The following HECTD2 variants were observed in gnomAD, a reference collection of about 807,000 sequenced individuals.
HECTD2 encodes HECT domain E3 ubiquitin protein ligase 2, also known as probable E3 ubiquitin-protein ligase HECTD2.
A neutral mutation model predicts 103.2 loss-of-function variants in HECTD2; 35 were observed. The observed-to-expected ratio is 0.34, with a 90% CI of 0.26 to 0.45. The LOEUF (loss-of-function observed/expected upper bound fraction) is 0.45. Among genes scored for constraint, HECTD2 ranks in the 20% least tolerant of loss-of-function variants. The pLI is 1.00. For missense variants in HECTD2, 596 were observed against 937.4 expected, an observed-to-expected ratio of 0.64 and a Z score of 4.76; for synonymous variants, 281 against 329.9, an observed-to-expected ratio of 0.85 and a Z score of 1.61.
chr10:91,439,951 G>A (rs988991688), intron 2 of HECTD2, among the ~76,000 whole-genome samples: 15 of 152,200 alleles, frequency 9.9e-5, no homozygotes, highest in African/African-American at 3.6e-4. Context: ...AGACTTTGCT[G>A]AAGTTGCATA....
chr10:91,419,978 G>A (rs1290534694), intron 1 of HECTD2, among the ~76,000 whole-genome samples: 10 of 152,226 alleles, frequency 6.6e-5, no homozygotes, highest in South Asian at 2.1e-4. Context: ...GTTTGGTGTC[G>A]TATTAAATAC....
chr10:91,493,452 C>T lies in HECTD2; in HGVS notation c.1465C>T (p.His489Tyr). The T allele has an allele frequency of 1.9e-6, 3 of 1,551,630 alleles. No homozygotes were observed. Among genetic ancestry groups the T allele is most frequent in the South Asian group, 1.3e-5 (1 of 79,094 alleles). Reference sequence around the variant, plus strand: ...TACATATCACAAGGATTCACACTGCCATTGGTTTAGCAGCTTTAAATGTGA... The same window carrying T: ...TACATATCACAAGGATTCACACTGCTATTGGTTTAGCAGCTTTAAATGTGA... ...MFTYHKDSHC[H>Y]WFSSFKCDNY... The change falls in exon 14 of 21, where the codon CAT (histidine) becomes TAT (tyrosine). Residue 489 changes from histidine to tyrosine, a missense_variant. Coordinates refer to ENST00000298068, the MANE Select transcript of HECTD2 (RefSeq NM_182765.6).
intron 11 of HECTD2, among the ~76,000 whole-genome samples, 180 bp from the exon 12 acceptor site, chr10:91,491,020 A>T (rs1014516440): frequency 2.0e-5 from 3 of 152,010 alleles, no homozygotes; most frequent in Non-Finnish European, 4.4e-5. Flanking sequence ...TCATTGTTAC[A>T]AAATGAAATA....
At chr10:91,418,290 T>G (rs1241690337) in intron 1 of HECTD2, among the ~76,000 whole-genome samples, 1 of 152,232 alleles carries the variant, frequency 6.6e-6, no homozygotes, top group East Asian at 1.9e-4. Context: ...TATTCATGTA[T>G]TTTTATCTTT....
At chr10:91,459,778 C>T (rs1000502350) in intron 2 of HECTD2, among the ~76,000 whole-genome samples, 1 of 152,082 alleles carries the variant, frequency 6.6e-6, no homozygotes, top group Admixed American at 6.6e-5. Flanking sequence ...TATATTTTTA[C>T]TATACCTTTT....
intron 2 of HECTD2, among the ~76,000 whole-genome samples, chr10:91,458,794 A>T (rs1419041941): frequency 6.6e-6 from 1 of 152,004 alleles, no homozygotes; most frequent in African/African-American, 2.4e-5. Flanking sequence ...AAAAAAAATG[A>T]AACGATCTTT....
Position 91,496,373 on chromosome 10 carries a change from G to GT in HECTD2, c.1680+2dup. 6.2e-7 allele frequency: 1 copy of GT among 1,602,136 alleles called. No individual in the cohort carries two copies. Among genetic ancestry groups the GT allele is most frequent in the South Asian group, 1.1e-5 (1 of 89,644 alleles). On this transcript the variant is annotated splice_donor_variant, in intron 15 of 20. Transcript: ENST00000298068. LOFTEE classifies it high-confidence loss of function. Reference sequence around the variant, plus strand: ...GGACGACTTATGTCAAATTATGCCTGTAAGTATAAAGTTATTAATATCTTG... The same window carrying GT: ...GGACGACTTATGTCAAATTATGCCTGTTAAGTATAAAGTTATTAATATCTTG...
chr10:91,462,531 A>C (rs546134552), intron 5 of HECTD2: 1 of 1,057,522 alleles, frequency 9.5e-7, no homozygotes, highest in Non-Finnish European at 1.2e-6. Flanking sequence ...GAATCACAAG[A>C]AGGGCTTGTT....
intron 2 of HECTD2, among the ~76,000 whole-genome samples, chr10:91,456,136 G>T (rs1199199336): frequency 2.0e-5 from 3 of 152,166 alleles, no homozygotes; most frequent in African/African-American, 7.2e-5. Context: ...TGATGGGGGG[G>T]TGGCATTGAA....
rs1397773390 is a variant in HECTD2, at chr10:91,513,312, T to C, written c.*928T>C. The C allele has an allele frequency of 1.3e-5, 2 of 152,644 alleles. No homozygotes were observed. The highest frequency in any genetic ancestry group is 2.1e-4 in the South Asian group (1 of 4,836). 9.5% of individuals were successfully genotyped at this position (152,644 alleles called of 1,614,324 possible). On this transcript the variant is annotated 3_prime_UTR_variant, in exon 21 of 21. Transcript: ENST00000298068. ...TCTTTTGAATCATGTACAAGACTTA[T>C]ATCTACATTTTTTGATCACCAGTTG...
intron 20 of HECTD2, among the ~76,000 whole-genome samples, chr10:91,501,562 AG>A (rs1349564339): frequency 1.3e-5 from 2 of 152,124 alleles, no homozygotes; most frequent in Non-Finnish European, 2.9e-5. Flanking sequence ...TTACTTTGCT[AG>A]GTCATATAAG....
At chr10:91,415,193 A>AGTGTGTGTGT (rs397846279) in intron 1 of HECTD2, among the ~76,000 whole-genome samples, 3,026 of 141,688 alleles carry the variant, frequency 0.021, 87 homozygotes, top group African/African-American at 0.061. Flanking sequence ...AATTAGAGAA[A>AGTGTGTGTGT]GTGTGTGTGT....
chr10:91,468,939 CAAAAA>C (rs375935105), intron 5 of HECTD2, among the ~76,000 whole-genome samples: 11 of 98,482 alleles, frequency 1.1e-4, no homozygotes, highest in Non-Finnish European at 1.8e-4. Flanking sequence ...CTGTCTCACT[CAAAAA>C]AAAAAAAAAA....
intron 20 of HECTD2, among the ~76,000 whole-genome samples, chr10:91,506,074 A>G (rs952001325): frequency 1.3e-5 from 2 of 152,298 alleles, no homozygotes; most frequent in East Asian, 1.9e-4. Context: ...TTTGAAACCA[A>G]CGAGAACAAA....
rs550235300 is a variant in HECTD2, at chr10:91,468,246, C to T, written c.600+6062C>T. Among the ~76,000 whole-genome samples the T allele has an allele frequency of 1.4e-4, 21 of 152,252 alleles. 1 individual carries two copies. Among genetic ancestry groups the T allele is most frequent in the South Asian group, 6.2e-4 (3 of 4,826 alleles). Reference sequence around the variant, plus strand: ...GGGCCAGAGAACAAAGCCAGGGGCTCGGTACCAGCACCCCCCAGAGTTAGA... The same window carrying T: ...GGGCCAGAGAACAAAGCCAGGGGCTTGGTACCAGCACCCCCCAGAGTTAGA... On this transcript the variant is annotated intron_variant, in intron 5 of 20. Coordinates refer to ENST00000298068, the MANE Select transcript of HECTD2 (RefSeq NM_182765.6).
At chr10:91,471,320 T>A (rs1199468496) in intron 5 of HECTD2, among the ~76,000 whole-genome samples, 1 of 152,112 alleles carries the variant, frequency 6.6e-6, no homozygotes, top group Non-Finnish European at 1.5e-5. Context: ...GGAACATGCC[T>A]CAAAATAATA....
chr10:91,436,450 G>A (rs1341467364), intron 2 of HECTD2, among the ~76,000 whole-genome samples: 2 of 152,040 alleles, frequency 1.3e-5, no homozygotes, highest in African/African-American at 2.4e-5. Context: ...GGGAGAAGGA[G>A]ATTGGGAGTC....
chr10:91,454,838 C>T (rs889100601), intron 2 of HECTD2, among the ~76,000 whole-genome samples: 11 of 151,530 alleles, frequency 7.3e-5, no homozygotes, highest in East Asian at 3.9e-4. Flanking sequence ...TTTGTCCTTG[C>T]GATAGTTTGC....
Position 91,462,170 on chromosome 10 carries a change from A to G in HECTD2, c.586A>G (p.Thr196Ala). The change falls in exon 5 of 21, where the codon ACC becomes GCC. Residue 196 changes from threonine to alanine, a missense_variant. Physicochemically the swap from Thr to Ala is moderately conservative, Grantham distance 58 (BLOSUM62 0). Transcript: ENST00000298068. ...NAKFVNAVYD[T>A]LLNTPQDVQK... The stretch of plus-strand genomic sequence containing the variant: ...TAAATTTGTGAATGCTGTGTATGAT[A>G]CCTTACTTAATACTGTAAGTATTAT... 1 of 1,584,840 alleles carries G rather than the reference A, an allele frequency of 6.3e-7. No individual in the cohort carries two copies. The highest frequency in any genetic ancestry group is 8.6e-7 in the Non-Finnish European group (1 of 1,156,356).
Sources: gnomAD v4.1 joint callset for allele counts (sites outside exome capture counted in the v4.1 genomes callset) on GRCh38, gnomAD v4.1.1 for gene constraint, MANE v1.5 for transcripts, NCBI Gene and HGNC (gene_info 2026-07-23, HGNC 2026-07-21) for gene names.